Variants in SWAP70 observed in about 807,000 individuals in gnomAD.
SWAP70 encodes switching B cell complex subunit SWAP70.
Under a neutral mutation model 80.2 loss-of-function variants are expected in SWAP70, and 34 were observed. The observed-to-expected ratio is 0.42, with a 90% CI of 0.32 to 0.56. The LOEUF is 0.56. SWAP70 is among the 20% of genes least tolerant of loss of function. The probability of loss-of-function intolerance (pLI) is 0.09; values close to 1 mark genes in which losing one functional copy is unlikely to be tolerated. For missense variants in SWAP70, 578 were observed against 690.7 expected (o/e 0.84, Z 1.83); for synonymous variants, 239 against 238.5 (o/e 1.00, Z -0.02).
intron 2 of SWAP70, among the ~76,000 whole-genome samples, chr11:9,704,014 G>C (rs1273588612): frequency 6.6e-6 from 1 of 152,110 alleles, no homozygotes; most frequent in African/African-American, 2.4e-5. Context: ...AAACCATTGA[G>C]ATATAATTCA....
chr11:9,671,273 A>C (rs1392383707), intron 1 of SWAP70, among the ~76,000 whole-genome samples: 1 of 97,268 alleles, frequency 1.0e-5, no homozygotes, highest in Non-Finnish European at 1.8e-5. Context: ...AAATATATTT[A>C]TAAATATAAA....
intron 1 of SWAP70, among the ~76,000 whole-genome samples, chr11:9,679,957 C>A (rs1181036725): frequency 6.6e-6 from 1 of 152,240 alleles, no homozygotes; most frequent in African/African-American, 2.4e-5. Context: ...GCATGAGCCA[C>A]TGCACGCGGC....
chr11:9,694,998 T>G (rs1850737580), intron 2 of SWAP70, among the ~76,000 whole-genome samples: 1 of 152,098 alleles, frequency 6.6e-6, no homozygotes, highest in Non-Finnish European at 1.5e-5. Context: ...ACTATAAAGA[T>G]ACATTCATGC....
intron 7 of SWAP70, among the ~76,000 whole-genome samples, chr11:9,734,739 C>T (rs745360378): frequency 1.1e-4 from 17 of 152,146 alleles, no homozygotes; most frequent in Non-Finnish European, 2.4e-4. Flanking sequence ...CTTCTTGCCT[C>T]AATATCTCAA....
At chr11:9,735,590 G>A (rs772496907) in intron 7 of SWAP70, among the ~76,000 whole-genome samples, 2 of 152,170 alleles carry the variant, frequency 1.3e-5, no homozygotes, top group Admixed American at 6.5e-5. Context: ...TGGACCAGCC[G>A]CCATCTTGAG....
At chr11:9,682,440 C>T (rs1159398265) in intron 1 of SWAP70, among the ~76,000 whole-genome samples, 2 of 152,102 alleles carry the variant, frequency 1.3e-5, no homozygotes, top group African/African-American at 4.8e-5. Context: ...ATCTTTTGGA[C>T]GTGAGGCAGA....
At chr11:9,734,195 T>G (rs1232264153) in intron 7 of SWAP70, among the ~76,000 whole-genome samples, 1 of 152,222 alleles carries the variant, frequency 6.6e-6, no homozygotes, top group Non-Finnish European at 1.5e-5. Context: ...TTTATTCAGG[T>G]CTTTCCCTCA....
intron 9 of SWAP70, 112 bp downstream of exon 9, chr11:9,740,459 T>A: frequency 2.7e-6 from 3 of 1,119,182 alleles, no homozygotes; most frequent in Non-Finnish European, 2.7e-6. Context: ...GCTCTGGCTG[T>A]GACTGAGCTC....
chr11:9,670,943 C>G (rs892273954), intron 1 of SWAP70, among the ~76,000 whole-genome samples: 3 of 150,426 alleles, frequency 2.0e-5, no homozygotes, highest in Admixed American at 6.7e-5. Flanking sequence ...TTAGTAGAGA[C>G]GGGGTTTCAC....
chr11:9,688,156 G>A (rs1219768312), intron 1 of SWAP70, among the ~76,000 whole-genome samples: 1 of 152,210 alleles, frequency 6.6e-6, no homozygotes, highest in Non-Finnish European at 1.5e-5. Context: ...AAAGTATCAC[G>A]GCTTTAGTGT....
chr11:9,748,356 A>G (rs1213254340), intron 10 of SWAP70, among the ~76,000 whole-genome samples: 2 of 152,248 alleles, frequency 1.3e-5, no homozygotes, highest in Non-Finnish European at 2.9e-5. Context: ...AGACGTAGGG[A>G]GCAGCCACTG....
chr11:9,703,051 T>G (rs1850853474), intron 2 of SWAP70, among the ~76,000 whole-genome samples: 2 of 152,212 alleles, frequency 1.3e-5, no homozygotes, highest in South Asian at 4.1e-4. Flanking sequence ...ATCTCACTGC[T>G]GCCCCCAAAA....
rs1313607874 is a variant in SWAP70, at chr11:9,750,360, C to CAA, written c.*393_*394dup. ...CATCTCAAAACAAAACAAAACAAAACAAAACAAAAAAACCCGGCTTTGCTG... is the reference window on the plus strand; with the variant it reads ...CATCTCAAAACAAAACAAAACAAAACAAAAAACAAAAAAACCCGGCTTTGCTG... On this transcript the variant is annotated 3_prime_UTR_variant, in exon 12 of 12. Transcript: ENST00000318950. 7 of 156,718 alleles carry CAA rather than the reference C, an allele frequency of 4.5e-5. No individual in the cohort carries two copies. The highest frequency in any genetic ancestry group is 1.7e-4 in the African/African-American group (7 of 41,420). 9.7% of individuals were successfully genotyped at this position (156,718 alleles called of 1,614,324 possible). A position where few individuals can be genotyped will look rare whatever the true frequency, so the allele number is the denominator to read the frequency against.
chr11:9,748,066 C>A lies in SWAP70; in HGVS notation c.1554+10C>A, dbSNP rs779744344. The stretch of plus-strand genomic sequence containing the variant: ...ACTTGAGCAGTACGAGGTAATGAGA[C>A]TTGGCCCTGCAAACTTGTATATTTA... On this transcript the variant is annotated intron_variant, in intron 10 of 11. Transcript: ENST00000318950. 1 of 1,610,548 alleles carries A rather than the reference C, an allele frequency of 6.2e-7. No homozygotes were observed. The highest frequency in any genetic ancestry group is 1.3e-5 in the African/African-American group (1 of 74,826).
At chr11:9,740,451 T>C (rs764666461) in intron 9 of SWAP70, 104 bp downstream of exon 9, 8 of 1,218,538 alleles carry the variant, frequency 6.6e-6, no homozygotes, top group Non-Finnish European at 9.7e-6. Context: ...GTGTCTCTGC[T>C]CTGGCTGTGA....
chr11:9,726,981 C>G (rs1023918161), intron 4 of SWAP70: 1 of 455,992 alleles, frequency 2.2e-6, no homozygotes, highest in African/African-American at 2.0e-5. Context: ...AGGTGGAAGT[C>G]CTTGAATATT....
chr11:9,694,966 C>G (rs1312964444), intron 2 of SWAP70, among the ~76,000 whole-genome samples: 1 of 151,986 alleles, frequency 6.6e-6, no homozygotes, highest in East Asian at 1.9e-4. Flanking sequence ...GGGTATATAC[C>G]CAAAGGAATA....
At chr11:9,736,085 A>G (rs1352088360) in intron 7 of SWAP70, among the ~76,000 whole-genome samples, 1 of 151,766 alleles carries the variant, frequency 6.6e-6, no homozygotes, top group Non-Finnish European at 1.5e-5. Context: ...CATAATTTCT[A>G]TAGATCTGTC....
At chr11:9,742,636 A>C (rs1851455855) in intron 9 of SWAP70, among the ~76,000 whole-genome samples, 1 of 152,102 alleles carries the variant, frequency 6.6e-6, no homozygotes, top group Admixed American at 6.5e-5. Flanking sequence ...CGCCCGGCCT[A>C]GTGGTCATTT....
Sources: gnomAD v4.1 joint callset for allele counts (sites outside exome capture counted in the v4.1 genomes callset) on GRCh38, gnomAD v4.1.1 for gene constraint, MANE v1.5 for transcripts, NCBI Gene and HGNC (gene_info 2026-07-23, HGNC 2026-07-21) for gene names.